Variants in PLXDC2 observed in about 807,000 individuals in gnomAD.
PLXDC2 encodes the protein plexin domain-containing protein 2.
A neutral mutation model predicts 68.9 loss-of-function variants in PLXDC2; 40 were observed. The ratio of observed to expected loss-of-function variants is 0.58; its 90% confidence interval spans 0.45 to 0.76. The LOEUF (loss-of-function observed/expected upper bound fraction) is 0.76. Ranked by LOEUF, PLXDC2 falls within the 30% of genes least tolerant of loss-of-function variation. The probability of loss-of-function intolerance (pLI) is 0.00; values close to 1 mark genes in which losing one functional copy is unlikely to be tolerated. For missense variants in PLXDC2, 644 were observed against 661.9 expected (o/e 0.97, Z 0.30); for synonymous variants, 243 against 234.2 (o/e 1.04, Z -0.34).
intron 2 of PLXDC2, among the ~76,000 whole-genome samples, chr10:20,026,399 G>T (rs146109206): frequency 5.3e-4 from 81 of 152,168 alleles, no homozygotes; most frequent in African/African-American, 1.9e-3. Flanking sequence ...CCCCCTAAGG[G>T]TATCAAATAC....
chr10:19,819,563 A>G (rs568739537), intron 1 of PLXDC2, among the ~76,000 whole-genome samples: 7 of 152,382 alleles, frequency 4.6e-5, no homozygotes, highest in Admixed American at 4.6e-4. Context: ...CAGGAACAAC[A>G]TCTGATTTCA....
chr10:20,125,531 T>C (rs1833761479), intron 4 of PLXDC2, among the ~76,000 whole-genome samples: 1 of 152,074 alleles, frequency 6.6e-6, no homozygotes. Flanking sequence ...AACTCTGAGA[T>C]TGCAAAAGGG....
chr10:20,189,814 T>C (rs1445990986), intron 9 of PLXDC2, among the ~76,000 whole-genome samples: 1 of 151,650 alleles, frequency 6.6e-6, no homozygotes, highest in Admixed American at 6.6e-5. Context: ...ATTAATAATC[T>C]ATTTTGCATT....
At chr10:20,258,353 C>T (rs1835769389) in intron 13 of PLXDC2, among the ~76,000 whole-genome samples, 2 of 152,050 alleles carry the variant, frequency 1.3e-5, no homozygotes, top group Admixed American at 6.6e-5. Context: ...ACTGACTACT[C>T]TGAGAGCTTT....
chr10:19,949,974 G>A (rs553176182), intron 1 of PLXDC2, among the ~76,000 whole-genome samples: 1 of 152,280 alleles, frequency 6.6e-6, no homozygotes, highest in South Asian at 2.1e-4. Flanking sequence ...CTTTCAAAGT[G>A]ATACTTTCCC....
intron 4 of PLXDC2, among the ~76,000 whole-genome samples, chr10:20,088,329 T>C (rs781071083): frequency 1.3e-5 from 2 of 152,218 alleles, no homozygotes; most frequent in Non-Finnish European, 2.9e-5. Context: ...AAATGAGAAT[T>C]TGTAGCCTTG....
chr10:20,109,046 G>A (rs1833526116), intron 4 of PLXDC2, among the ~76,000 whole-genome samples: 1 of 152,148 alleles, frequency 6.6e-6, no homozygotes, highest in Non-Finnish European at 1.5e-5. Context: ...CTAATACTGG[G>A]ACAATAAATT....
Position 20,177,061 on chromosome 10 carries a change from A to G in PLXDC2, c.946A>G (p.Asn316Asp). 1 of 1,611,994 alleles carries G rather than the reference A, an allele frequency of 6.2e-7. No homozygotes were observed. The highest frequency in any genetic ancestry group is 8.5e-7 in the Non-Finnish European group (1 of 1,178,814). ...AGAGCTACAAATGTCAAAAATTACC[A>G]ACATTTCGGCTGTGGAGATGACCCC... ...RVELQMSKIT[N>D]ISAVEMTPLP... Residue 316 changes from asparagine (N) to aspartate (D), a missense_variant, in exon 8 of 14, where the codon AAC (asparagine) becomes GAC (aspartate). Physicochemically the swap from Asn to Asp is conservative, Grantham distance 23. Around this residue, in one of 3 missense-constraint regions of PLXDC2, gnomAD observed 330 missense variants for 327.9 expected, o/e 1.01. Coordinates refer to ENST00000377252, the MANE Select transcript of PLXDC2 (RefSeq NM_032812.9).
chr10:20,111,648 T>C (rs1833562101), intron 4 of PLXDC2, among the ~76,000 whole-genome samples: 1 of 152,224 alleles, frequency 6.6e-6, no homozygotes, highest in African/African-American at 2.4e-5. Context: ...TACTTCATTT[T>C]CAAACTAGTT....
intron 1 of PLXDC2, among the ~76,000 whole-genome samples, chr10:19,977,877 G>A (rs936022070): frequency 1.3e-5 from 2 of 152,104 alleles, no homozygotes; most frequent in African/African-American, 2.4e-5. Flanking sequence ...CACCCAGTTG[G>A]GGATTAGGCT....
At chr10:20,134,868 T>C (rs1833914681) in intron 4 of PLXDC2, among the ~76,000 whole-genome samples, 1 of 152,084 alleles carries the variant, frequency 6.6e-6, no homozygotes, top group Admixed American at 6.6e-5. Context: ...CCTGAAGGGG[T>C]TCACTGGGAT....
At chr10:19,996,097 C>T (rs1834839244) in intron 1 of PLXDC2, among the ~76,000 whole-genome samples, 1 of 152,000 alleles carries the variant, frequency 6.6e-6, no homozygotes, top group South Asian at 2.1e-4. Context: ...TGTAAGGTGT[C>T]TCTGGTAGCA....
At chr10:20,006,871 A>T (rs987272021) in intron 2 of PLXDC2, among the ~76,000 whole-genome samples, 5 of 152,238 alleles carry the variant, frequency 3.3e-5, no homozygotes, top group South Asian at 2.1e-4. Flanking sequence ...GGCCCAACAG[A>T]TGGCAAATGC....
chr10:19,957,399 A>T (rs1295754146), intron 1 of PLXDC2, among the ~76,000 whole-genome samples: 2 of 152,192 alleles, frequency 1.3e-5, no homozygotes, highest in Non-Finnish European at 2.9e-5. Context: ...TAGCCCTTAA[A>T]GTATTTTCAC....
At position 19,836,846 on chromosome 10, in the gene PLXDC2, A is replaced by G. The variant is rs1836802100; in HGVS notation, c.112+19655A>G. Among the ~76,000 whole-genome samples the G allele has an allele frequency of 4.6e-5, 7 of 152,314 alleles. No individual in the cohort carries two copies. The South Asian group carries it at 1.4e-3, about 32-fold the overall frequency. On this transcript the variant is annotated intron_variant, in intron 1 of 13. Coordinates refer to ENST00000377252, the MANE Select transcript of PLXDC2 (RefSeq NM_032812.9). ...AGAAGAAAGAATGTTGTTTTTCCTC[A>G]CTGTAATTAATTTTATGGCTCTTGC...
chr10:20,012,314 TTTTTTTTTTTTTTTTTTTTTGG>T (rs1325721918), intron 2 of PLXDC2, among the ~76,000 whole-genome samples: 2 of 19,044 alleles, frequency 1.1e-4, no homozygotes, highest in African/African-American at 2.8e-4. Context: ...TTTTTTATTT[TTTTTTTTTTTTTTTTTTTTTGG>T]AGAAGGAGAC....
chr10:19,910,591 C>CTTTTTTTTTTTTTTT (rs1006322581), intron 1 of PLXDC2, among the ~76,000 whole-genome samples: 2 of 92,556 alleles, frequency 2.2e-5, no homozygotes, highest in Non-Finnish European at 4.3e-5. Context: ...TAAGTGGTTG[C>CTTTTTTTTTTTTTTT]TTTTTTTTTT....
intron 1 of PLXDC2, among the ~76,000 whole-genome samples, chr10:19,829,898 G>A (rs963671552): frequency 3.3e-5 from 5 of 152,162 alleles, no homozygotes; most frequent in Non-Finnish European, 7.3e-5. Context: ...CAGAGAAAGG[G>A]ATACTTTAAT....
chr10:20,080,733 G>C (rs7086950), intron 4 of PLXDC2, among the ~76,000 whole-genome samples: 30,649 of 152,050 alleles, frequency 0.2, 3,684 homozygotes, highest in African/African-American at 0.34. Context: ...CACAGACACA[G>C]CCAGGAACAA....
Sources: gnomAD v4.1 joint callset for allele counts (sites outside exome capture counted in the v4.1 genomes callset) on GRCh38, gnomAD v4.1.1 for gene constraint, gnomAD v4.1.1 regional missense constraint, MANE v1.5 for transcripts, NCBI Gene and HGNC (gene_info 2026-07-23, HGNC 2026-07-21) for gene names.